The following NFYC variants were observed in gnomAD, a reference collection of about 807,000 sequenced individuals.
NFYC encodes the protein CAAT box DNA-binding protein subunit C.
Under a neutral mutation model 53.1 loss-of-function variants are expected in NFYC, and 25 were observed. That is an observed-to-expected ratio of 0.47 (90% CI 0.34 to 0.66). The LOEUF is 0.66. Among genes scored for constraint, NFYC ranks in the 30% least tolerant of loss-of-function variants. NFYC has a pLI of 0.01. For synonymous variants in NFYC, 145 were observed against 152.6 expected, an observed-to-expected ratio of 0.95 and a Z score of 0.37; for missense variants, 260 against 422.7, an observed-to-expected ratio of 0.62 and a Z score of 3.38.
chr1:40,758,813 A>T (rs1327364096), intron 6 of NFYC, among the ~76,000 whole-genome samples: 2 of 152,208 alleles, frequency 1.3e-5, no homozygotes, highest in African/African-American at 4.8e-5. Context: ...TAAGAGCAGT[A>T]GCATTCATGT....
intron 1 of NFYC, among the ~76,000 whole-genome samples, chr1:40,720,059 A>C (rs532176081): frequency 1.3e-5 from 2 of 152,316 alleles, no homozygotes; most frequent in South Asian, 4.2e-4. Flanking sequence ...TTATGTTCTC[A>C]GTTCCTGACA....
chr1:40,730,469 T>C lies in NFYC; in HGVS notation c.-8-8367T>C, dbSNP rs113079468. 206 of 738,042 alleles carry C rather than the reference T, an allele frequency of 2.8e-4. 1 individual carries two copies. Among genetic ancestry groups the C allele is most frequent in the East Asian group, 1.3e-4 (1 of 7,632 alleles). The allele number at this position is 738,042 out of a possible 1,614,324, so 45.7% of individuals were successfully genotyped here. A position where few individuals can be genotyped will look rare whatever the true frequency, so the allele number is the denominator to read the frequency against. On this transcript the variant is annotated intron_variant, in intron 1 of 9. Transcript: ENST00000447388. ...GTAATAGGGAGGCCCGAGGTGGGAA[T>C]GGCCAGTTGGTAGAGCAGTATCTGT...
At chr1:40,734,501 C>T (rs1215085943) in intron 1 of NFYC, among the ~76,000 whole-genome samples, 1 of 151,968 alleles carries the variant, frequency 6.6e-6, no homozygotes, top group Admixed American at 6.6e-5. Context: ...GCTGGGACTA[C>T]AGGCATGTGC....
intron 5 of NFYC, 85 bp from the exon 6 acceptor site, chr1:40,758,036 C>G: frequency 6.7e-7 from 1 of 1,490,208 alleles, no homozygotes; most frequent in South Asian, 1.2e-5. Flanking sequence ...TGCACATAGC[C>G]TGTTTGGGGG....
At chr1:40,698,364 A>G (rs984691419) in intron 1 of NFYC, among the ~76,000 whole-genome samples, 48 of 141,296 alleles carry the variant, frequency 3.4e-4, no homozygotes, top group African/African-American at 1.1e-3. Context: ...TCCCTCTTTG[A>G]AAAAAAAAAA....
chr1:40,732,226 T>G (rs977347520), intron 1 of NFYC, among the ~76,000 whole-genome samples: 2 of 152,214 alleles, frequency 1.3e-5, no homozygotes, highest in Admixed American at 6.5e-5. Context: ...GTATAGAGAA[T>G]GAAGTACATG....
At position 40,705,106 on chromosome 1, in the gene NFYC, A is replaced by G. The variant is rs572870098; in HGVS notation, c.-9+13239A>G. ...TCCTTAAAATGGCTCTCTGGTATAC[A>G]TGGTGATATCTATACATTACAGATA... On this transcript the variant is annotated intron_variant, in intron 1 of 9. Transcript: ENST00000447388. 1.8e-4 allele frequency among the ~76,000 whole-genome samples: 27 copies of G among 152,336 alleles called. No individual in the cohort carries two copies. The South Asian group carries it at 3.3e-3, about 19-fold the overall frequency.
At chr1:40,743,967 G>T (rs1645481589) in intron 2 of NFYC, among the ~76,000 whole-genome samples, 1 of 152,136 alleles carries the variant, frequency 6.6e-6, no homozygotes, top group African/African-American at 2.4e-5. Context: ...CACAAGGGGA[G>T]TTTTCAAAAA....
chr1:40,723,556 C>T (rs1454820044), intron 1 of NFYC: 1 of 152,206 alleles, frequency 6.6e-6, no homozygotes, highest in East Asian at 1.9e-4. Flanking sequence ...GATCTAGGAC[C>T]AGCTTCTCAA....
chr1:40,700,589 T>G (rs1643385530), intron 1 of NFYC, among the ~76,000 whole-genome samples: 1 of 152,114 alleles, frequency 6.6e-6, no homozygotes, highest in South Asian at 2.1e-4. Flanking sequence ...CAAGTGATCC[T>G]CCCACCTTGG....
intron 3 of NFYC, among the ~76,000 whole-genome samples, chr1:40,748,259 G>A (rs977212785): frequency 6.6e-6 from 1 of 151,994 alleles, no homozygotes; most frequent in African/African-American, 2.4e-5. Context: ...AGCCTCCCAA[G>A]TAGCTGGGAC....
chr1:40,695,614 T>G (rs1201789810), intron 1 of NFYC: 5 of 152,194 alleles, frequency 3.3e-5, no homozygotes, highest in Non-Finnish European at 7.3e-5. Flanking sequence ...AGACACGGGC[T>G]TCCACCATGT....
chr1:40,712,832 C>T (rs1235385912), intron 1 of NFYC: 3 of 151,504 alleles, frequency 2.0e-5, no homozygotes, highest in African/African-American at 4.8e-5. Flanking sequence ...GCATGTGCCA[C>T]CGTGCCCAAC....
chr1:40,748,577 A>G (rs1434943293), intron 3 of NFYC, among the ~76,000 whole-genome samples: 1 of 152,186 alleles, frequency 6.6e-6, no homozygotes, highest in Non-Finnish European at 1.5e-5. Context: ...TACCTGTTCT[A>G]ACCTTTTGAT....
chr1:40,770,305 C>T lies in NFYC; in HGVS notation c.889-404C>T. 1 of 1,215,450 alleles carries T rather than the reference C, an allele frequency of 8.2e-7. No homozygotes were observed. Among genetic ancestry groups the T allele is most frequent in the South Asian group, 1.5e-5 (1 of 66,488 alleles). 75.3% of individuals were successfully genotyped at this position (1,215,450 alleles called of 1,614,324 possible). A position where few individuals can be genotyped will look rare whatever the true frequency, so the allele number is the denominator to read the frequency against. Reference sequence around the variant, plus strand: ...AGAAGGAGAGGAGGGGGTAATCCTACTGCCCCTGCCAGTGTAGATTACCAA... The same window carrying T: ...AGAAGGAGAGGAGGGGGTAATCCTATTGCCCCTGCCAGTGTAGATTACCAA... On this transcript the variant is annotated intron_variant, in intron 9 of 9. Coordinates refer to ENST00000447388, the MANE Select transcript of NFYC (RefSeq NM_014223.5). The surrounding 1 kb of genome is among the most constrained non-coding windows in gnomAD (Gnocchi z 5.3).
intron 4 of NFYC, among the ~76,000 whole-genome samples, 163 bp downstream of exon 4, chr1:40,749,849 A>T (rs1205794416): frequency 6.6e-6 from 1 of 152,198 alleles, no homozygotes; most frequent in Non-Finnish European, 1.5e-5. Context: ...CTGACGTGTC[A>T]TTGGCATCAC....
chr1:40,748,462 G>GAGA (rs1557867990), intron 3 of NFYC, among the ~76,000 whole-genome samples: 2 of 152,152 alleles, frequency 1.3e-5, no homozygotes, highest in Non-Finnish European at 2.9e-5. Context: ...TGTTCACAGT[G>GAGA]TAGTATATAC....
intron 3 of NFYC, among the ~76,000 whole-genome samples, chr1:40,748,438 G>T (rs1645734717): frequency 6.6e-6 from 1 of 152,130 alleles, no homozygotes; most frequent in Non-Finnish European, 1.5e-5. Context: ...TGCCCAGCTG[G>T]TATCTCACAG....
At chr1:40,712,548 C>G (rs1346847586) in intron 1 of NFYC, 2 of 76,300 alleles carry the variant, frequency 2.6e-5, no homozygotes, top group Non-Finnish European at 5.3e-5. Flanking sequence ...ATAAAGTAAA[C>G]TGGAACCATT....
Sources: gnomAD v4.1 joint callset for allele counts (sites outside exome capture counted in the v4.1 genomes callset) on GRCh38, gnomAD v4.1.1 for gene constraint, Gnocchi (gnomAD v3.1) non-coding constraint, MANE v1.5 for transcripts, NCBI Gene and HGNC (gene_info 2026-07-23, HGNC 2026-07-21) for gene names.